TTC7A: variants seen among roughly 807,000 people sequenced by gnomAD.
The protein encoded by TTC7A is tetratricopeptide repeat domain 7A.
Under a neutral mutation model 103.7 loss-of-function variants are expected in TTC7A, and 110 were observed. The ratio of observed to expected loss-of-function variants is 1.06; its 90% confidence interval spans 0.91 to 1.24. The LOEUF is 1.24. Ranked by LOEUF, TTC7A falls within the 50% of genes most tolerant of loss-of-function variation. The probability of loss-of-function intolerance (pLI) is 0.00; values close to 1 mark genes in which losing one functional copy is unlikely to be tolerated. For missense variants in TTC7A, 1,340 were observed against 1,116.3 expected (o/e 1.20, Z -2.86); for synonymous variants, 521 against 467.9 (o/e 1.11, Z -1.47).
Position 46,941,853 on chromosome 2 carries a change from A to T in TTC7A, c.184+128A>T, listed in dbSNP as rs1294296018. The T allele has an allele frequency of 8.1e-7, 1 of 1,239,748 alleles. No individual in the cohort carries two copies. The highest frequency in any genetic ancestry group is 1.5e-5 in the African/African-American group (1 of 66,590). The allele number at this position is 1,239,748 out of a possible 1,614,324, so 76.8% of individuals were successfully genotyped here. The stretch of plus-strand genomic sequence containing the variant: ...GCCAGCCCACCGTGCTAGTCTTAAG[A>T]GCAGCCAGGGCAGTTAGGAAGGTCC... On this transcript the variant is annotated intron_variant, in intron 1 of 19. Coordinates refer to ENST00000319190, the MANE Select transcript of TTC7A (RefSeq NM_020458.4). This position sits in a 1 kb window ranked among gnomAD's most constrained non-coding sequence, Gnocchi z 4.2.
At chr2:47,027,615 C>T (rs547036303) in intron 14 of TTC7A, among the ~76,000 whole-genome samples, 1 of 152,364 alleles carries the variant, frequency 6.6e-6, no homozygotes, top group African/African-American at 2.4e-5. Flanking sequence ...AACTCTAGAA[C>T]CCAGCTCTTG....
intron 2 of TTC7A, among the ~76,000 whole-genome samples, chr2:46,951,182 G>A (rs1286138886): frequency 6.6e-6 from 1 of 152,132 alleles, no homozygotes; most frequent in African/African-American, 2.4e-5. Flanking sequence ...ACTGAGGGAG[G>A]TAGAGGACCC....
At chr2:46,987,317 G>A (rs1164487108) in intron 5 of TTC7A, among the ~76,000 whole-genome samples, 1 of 152,208 alleles carries the variant, frequency 6.6e-6, no homozygotes, top group Non-Finnish European at 1.5e-5. Context: ...CCAGACTATG[G>A]GGGAGGCTCC....
At chr2:46,947,366 C>G (rs948403506) in intron 1 of TTC7A, among the ~76,000 whole-genome samples, 1 of 152,164 alleles carries the variant, frequency 6.6e-6, no homozygotes, top group Non-Finnish European at 1.5e-5. Context: ...TCTTTCGCAG[C>G]CAGTCACTCT....
intron 2 of TTC7A, 26 bp from the exon 3 acceptor site, chr2:46,956,813 C>A: frequency 2.5e-6 from 4 of 1,612,892 alleles, no homozygotes; most frequent in Non-Finnish European, 3.4e-6. Context: ...GGGGCAGGCG[C>A]TGGTAACATG....
intron 8 of TTC7A, among the ~76,000 whole-genome samples, chr2:46,995,725 C>G (rs1268168260): frequency 9.2e-5 from 14 of 152,208 alleles, no homozygotes; most frequent in Admixed American, 8.5e-4. Flanking sequence ...GGAAGGAGTT[C>G]ATTTATTCAC....
At chr2:47,046,537 C>A in intron 16 of TTC7A, 106 bp downstream of exon 16, 1 of 835,738 alleles carries the variant, frequency 1.2e-6, no homozygotes, top group Non-Finnish European at 2.0e-6. Flanking sequence ...GAGAGTGAGG[C>A]TTTTGAATGA....
chr2:47,052,131 A>G (rs1682910893), intron 18 of TTC7A, among the ~76,000 whole-genome samples: 1 of 152,200 alleles, frequency 6.6e-6, no homozygotes, highest in Admixed American at 6.5e-5. Context: ...GAGAGGCCAC[A>G]CAGATGGACA....
At chr2:46,920,003 G>A (rs535861157) in intron 2 of TTC7A, among the ~76,000 whole-genome samples, 1 of 152,258 alleles carries the variant, frequency 6.6e-6, no homozygotes, top group South Asian at 2.1e-4. Flanking sequence ...ATTTTGGCAT[G>A]TGTTGTGTTG....
At chr2:46,930,418 A>G (rs958513646) in intron 2 of TTC7A, among the ~76,000 whole-genome samples, 3 of 150,450 alleles carry the variant, frequency 2.0e-5, no homozygotes, top group East Asian at 3.9e-4. Flanking sequence ...AAAAAGCTAG[A>G]TGAAACGTAT....
At chr2:47,069,021 GC>G (rs1684434289) in intron 19 of TTC7A, among the ~76,000 whole-genome samples, 1 of 151,976 alleles carries the variant, frequency 6.6e-6, no homozygotes, top group South Asian at 2.1e-4. Context: ...CTGTGACTGG[GC>G]CCCCTTCTCA....
At chr2:46,989,041 G>T (rs1312300127) in intron 5 of TTC7A, among the ~76,000 whole-genome samples, 1 of 152,176 alleles carries the variant, frequency 6.6e-6, no homozygotes, top group African/African-American at 2.4e-5. Context: ...GAAGCTGCAC[G>T]GACTGAGTAA....
At chr2:47,056,698 G>T (rs577209130) in intron 18 of TTC7A, among the ~76,000 whole-genome samples, 12 of 152,230 alleles carry the variant, frequency 7.9e-5, no homozygotes, top group Admixed American at 4.6e-4. Context: ...GTAGCCTGCC[G>T]AGAGAAAGCA....
chr2:46,916,304 C>T, exon 1 of TTC7A: 1 of 434,014 alleles, frequency 2.3e-6, no homozygotes, highest in Non-Finnish European at 3.1e-6. Flanking sequence ...GATTGGCCTG[C>T]TTCCAGCGTC....
In TTC7A at chr2:46,978,834, C is replaced by T. The variant is rs1006086423; in HGVS notation, c.691C>T (p.Pro231Ser). ...GTCGAGGCATCTGAAAGGCTGTCAC[C>T]CGCTTGACTATGAGCTCACCTACTT... is the stretch of plus-strand genomic sequence containing the variant. ...STSRHLKGCH[P>S]LDYELTYFLE... is the part of the protein sequence containing the mutation. The change falls in exon 5 of 20, where the codon CCG becomes TCG. Residue 231 changes from proline to serine, a missense_variant. Transcript: ENST00000319190. 1.9e-6 allele frequency: 3 copies of T among 1,614,080 alleles called. No homozygotes were observed. The Middle Eastern group carries it at 4.9e-4, about 266-fold the overall frequency.
At chr2:47,027,844 G>T (rs1328705662) in intron 14 of TTC7A, among the ~76,000 whole-genome samples, 1 of 150,806 alleles carries the variant, frequency 6.6e-6, no homozygotes, top group Non-Finnish European at 1.5e-5. Context: ...CTGCGTAAGG[G>T]GCTGCTATAG....
chr2:47,070,208 C>T (rs567318012), intron 19 of TTC7A, among the ~76,000 whole-genome samples: 57 of 152,384 alleles, frequency 3.7e-4, no homozygotes, highest in African/African-American at 1.3e-3. Context: ...CCCTCATCCC[C>T]TCCCAGGCCA....
chr2:46,918,528 C>G (rs919296769), intron 2 of TTC7A, among the ~76,000 whole-genome samples: 4 of 152,158 alleles, frequency 2.6e-5, no homozygotes, highest in South Asian at 2.1e-4. Context: ...GTAGCTGAAC[C>G]CATTCCTAAC....
rs375540629 is a variant in TTC7A, at chr2:47,011,440, G to C, written c.1392+5G>C. Reference sequence around the variant, plus strand: ...TGCATCGGGTCCCTTCGCTGGGTGAGTGAGCTGTGAGGGCAGGTCCCAGAG... The same window carrying C: ...TGCATCGGGTCCCTTCGCTGGGTGACTGAGCTGTGAGGGCAGGTCCCAGAG... On this transcript the variant is annotated splice_donor_5th_base_variant and intron_variant, in intron 11 of 19. Transcript: ENST00000319190. 1 of 1,601,722 alleles carries C rather than the reference G, an allele frequency of 6.2e-7. No homozygotes were observed. Among genetic ancestry groups the C allele is most frequent in the Non-Finnish European group, 8.5e-7 (1 of 1,178,260 alleles).
Sources: allele counts gnomAD v4.1 joint callset (sites outside exome capture counted in the v4.1 genomes callset), GRCh38; gene constraint gnomAD v4.1.1; non-coding constraint Gnocchi (gnomAD v3.1); transcripts MANE v1.5; gene names NCBI Gene and HGNC (gene_info 2026-07-23, HGNC 2026-07-21).